ASAP2: variants seen among roughly 807,000 people sequenced by gnomAD.
The protein encoded by ASAP2 is ArfGAP with SH3 domain, ankyrin repeat and PH domain 2.
A neutral mutation model predicts 131.4 loss-of-function variants in ASAP2; 45 were observed. The observed-to-expected ratio is 0.34, with a 90% confidence interval of 0.27 to 0.44. The LOEUF (loss-of-function observed/expected upper bound fraction) is 0.44. ASAP2 is among the 20% of genes least tolerant of loss of function. The probability of loss-of-function intolerance (pLI) is 1.00; values close to 1 mark genes in which losing one functional copy is unlikely to be tolerated. For synonymous variants in ASAP2, 510 were observed against 503.0 expected (o/e 1.01, Z -0.19); for missense variants, 1,011 against 1,297.0 (o/e 0.78, Z 3.39).
In ASAP2 at chr2:9,268,555, A is replaced by G. The variant is rs1283215741; in HGVS notation, c.127-10762A>G. 6.6e-6 allele frequency among the ~76,000 whole-genome samples: 1 copy of G among 152,182 alleles called. No homozygotes were observed. Among genetic ancestry groups the G allele is most frequent in the Non-Finnish European group, 1.5e-5 (1 of 68,028 alleles). On this transcript the variant is annotated intron_variant, in intron 1 of 27. Transcript: ENST00000281419. This position sits in a 1 kb window ranked among gnomAD's most constrained non-coding sequence, Gnocchi z 4.1. ...TCACAGTGCAAGTCTACGCTTCCCAAAAGGCTTCTGGAAATATTTGACACT... is the reference window on the plus strand; with the variant it reads ...TCACAGTGCAAGTCTACGCTTCCCAGAAGGCTTCTGGAAATATTTGACACT...
intron 1 of ASAP2, among the ~76,000 whole-genome samples, chr2:9,249,727 C>T (rs1664576549): frequency 1.3e-5 from 2 of 150,956 alleles, no homozygotes; most frequent in South Asian, 2.1e-4. Context: ...GAGCTGCAGG[C>T]AGGCATGCCC....
At chr2:9,349,829 A>C (rs1389543522) in intron 11 of ASAP2, among the ~76,000 whole-genome samples, 1 of 152,210 alleles carries the variant, frequency 6.6e-6, no homozygotes, top group East Asian at 1.9e-4. Flanking sequence ...AGGGTTTCAC[A>C]GGTCTGTCCA....
chr2:9,340,676 C>G (rs951340427), intron 9 of ASAP2, among the ~76,000 whole-genome samples: 42 of 152,176 alleles, frequency 2.8e-4, no homozygotes, highest in African/African-American at 9.2e-4. Context: ...ACAAGCTTGT[C>G]AATCACAGGA....
chr2:9,365,745 A>G (rs572204266), intron 15 of ASAP2, among the ~76,000 whole-genome samples: 1 of 152,256 alleles, frequency 6.6e-6, no homozygotes, highest in African/African-American at 2.4e-5. Flanking sequence ...AGTGTTCAGG[A>G]TGAACTTCTT....
At chr2:9,213,129 G>C (rs1471092611) in intron 1 of ASAP2, among the ~76,000 whole-genome samples, 2 of 152,218 alleles carry the variant, frequency 1.3e-5, no homozygotes, top group Non-Finnish European at 2.9e-5. Context: ...ATAACATGGG[G>C]ATAGAAAGTG....
intron 3 of ASAP2, among the ~76,000 whole-genome samples, chr2:9,299,132 A>G (rs1371313750): frequency 2.0e-5 from 3 of 152,360 alleles, no homozygotes; most frequent in Middle Eastern, 3.4e-3. Context: ...CATCAATGCA[A>G]CAAATCTAAA....
intron 16 of ASAP2, among the ~76,000 whole-genome samples, chr2:9,369,266 G>A (rs369575097): frequency 7.2e-5 from 11 of 152,238 alleles, no homozygotes; most frequent in African/African-American, 2.6e-4. Flanking sequence ...TGATCCACTC[G>A]CTGCAGCCTC....
At chr2:9,286,447 A>AAAAAATATATATATAT (rs58605449) in intron 2 of ASAP2, among the ~76,000 whole-genome samples, 82 of 148,466 alleles carry the variant, frequency 5.5e-4, no homozygotes, top group South Asian at 1.9e-3. Flanking sequence ...GAAAAAAAAA[A>AAAAAATATATATATAT]ATATATATAT....
chr2:9,389,928 C>A lies in ASAP2; in HGVS notation c.2384-1134C>A, dbSNP rs2953361. ...GGCTTTCTCCCCGCCTCTCCCAGAT[C>A]CTGCAGGCAGGCATCAATTTTCTAC... On this transcript the variant is annotated intron_variant, in intron 22 of 27. Transcript: ENST00000281419. This position sits in a 1 kb window ranked among gnomAD's most constrained non-coding sequence, Gnocchi z 4.7. 1.4e-4 allele frequency among the ~76,000 whole-genome samples: 21 copies of A among 152,204 alleles called. No homozygotes were observed. Among genetic ancestry groups the A allele is most frequent in the African/African-American group, 5.1e-4 (21 of 41,448 alleles).
chr2:9,353,628 T>C lies in ASAP2; in HGVS notation c.1112-2419T>C, dbSNP rs574829622. ...ATGCATTGAGGCAGTGAGGGTGATA[T>C]TTTCTGTGTGCATCTGCCAGGCACT... is the stretch of plus-strand genomic sequence containing the variant. On this transcript the variant is annotated intron_variant, in intron 12 of 27. Transcript: ENST00000281419. Among the ~76,000 whole-genome samples, 381 of 152,148 alleles carry C rather than the reference T, an allele frequency of 2.5e-3. 1 individual carries two copies. Among genetic ancestry groups the C allele is most frequent in the African/African-American group, 8.7e-3 (363 of 41,514 alleles).
intron 9 of ASAP2, among the ~76,000 whole-genome samples, chr2:9,338,480 G>A (rs751557361): frequency 3.3e-5 from 5 of 152,094 alleles, no homozygotes; most frequent in African/African-American, 7.2e-5. Context: ...CTCTGGGTTC[G>A]CGTATCTTAC....
intron 1 of ASAP2, among the ~76,000 whole-genome samples, chr2:9,250,925 G>A (rs1664659328): frequency 6.6e-6 from 1 of 152,246 alleles, no homozygotes; most frequent in African/African-American, 2.4e-5. Context: ...TTAAAACAGT[G>A]AACTATGAAA....
intron 23 of ASAP2, 128 bp from the exon 24 acceptor site, chr2:9,393,354 G>A: frequency 1.2e-6 from 1 of 834,950 alleles, no homozygotes; most frequent in Middle Eastern, 3.2e-4. Context: ...CAAGGAAATA[G>A]CAGCAGGTTT....
chr2:9,401,382 G>T lies in ASAP2; in HGVS notation c.2932G>T (p.Asp978Tyr). ...TGTGATCATCGTGGACGGGGAGGAG[G>T]ACCAGGAGTGGTGGGTGAGTCAAGG... The part of the protein sequence containing the change: ...GDVIIVDGEE[D>Y]QEWWIGHIDG... Residue 978 changes from aspartate (D) to tyrosine (Y), a missense_variant, in exon 27 of 28, where the codon GAC becomes TAC. Asp to Tyr is a radical substitution (Grantham distance 160, BLOSUM62 -3). This residue lies in a region of ASAP2 where 652 missense variants were observed against 698.9 expected (regional missense o/e 0.93). Coordinates refer to ENST00000281419, the MANE Select transcript of ASAP2 (RefSeq NM_003887.3). 6.2e-7 allele frequency: 1 copy of T among 1,613,510 alleles called. No individual in the cohort carries two copies. The highest frequency in any genetic ancestry group is 8.5e-7 in the Non-Finnish European group (1 of 1,179,870).
At position 9,207,159 on chromosome 2, in the gene ASAP2, A is replaced by G; in HGVS notation, c.55A>G (p.Lys19Glu). 1 of 1,605,924 alleles carries G rather than the reference A, an allele frequency of 6.2e-7. No homozygotes were observed. The highest frequency in any genetic ancestry group is 8.5e-7 in the Non-Finnish European group (1 of 1,176,690). ...EFVAETHEDY[K>E]APTASSFTTR... ...CGTGGCCGAGACCCATGAGGACTAC[A>G]AGGCGCCCACGGCCTCCAGCTTCAC... Residue 19 changes from lysine (K) to glutamate (E), a missense_variant, in exon 1 of 28, where the codon AAG (lysine) becomes GAG (glutamate). Lys to Glu is a moderately conservative substitution (Grantham distance 56). Around this residue, in one of 2 missense-constraint regions of ASAP2, gnomAD observed 359 missense variants for 598.1 expected, o/e 0.60. Transcript: ENST00000281419. The surrounding 1 kb of genome is among the most constrained non-coding windows in gnomAD (Gnocchi z 4.1).
At chr2:9,301,367 G>A (rs146990789) in intron 3 of ASAP2, among the ~76,000 whole-genome samples, 3,332 of 152,272 alleles carry the variant, frequency 0.022, 61 homozygotes, top group Non-Finnish European at 0.036. Context: ...TTTTCTCTGC[G>A]GTGATGCAGG....
At chr2:9,333,070 C>T (rs928862626) in intron 7 of ASAP2, among the ~76,000 whole-genome samples, 1 of 152,182 alleles carries the variant, frequency 6.6e-6, no homozygotes, top group Non-Finnish European at 1.5e-5. Context: ...GTTTTCACGG[C>T]GCCTTCTGTG....
At chr2:9,322,849 C>T (rs999056029) in intron 5 of ASAP2, among the ~76,000 whole-genome samples, 4 of 152,168 alleles carry the variant, frequency 2.6e-5, no homozygotes, top group African/African-American at 9.7e-5. Context: ...CCAAAGGAGC[C>T]CTCCAAGCCC....
chr2:9,341,546 A>G (rs1057209303), intron 9 of ASAP2, among the ~76,000 whole-genome samples: 1 of 152,192 alleles, frequency 6.6e-6, no homozygotes, highest in African/African-American at 2.4e-5. Context: ...TATGCGCGGC[A>G]CGAACAGTGT....
Sources: allele counts gnomAD v4.1 joint callset (sites outside exome capture counted in the v4.1 genomes callset), GRCh38; gene constraint gnomAD v4.1.1; regional missense constraint gnomAD v4.1.1; non-coding constraint Gnocchi (gnomAD v3.1); transcripts MANE v1.5; gene names NCBI Gene and HGNC (gene_info 2026-07-23, HGNC 2026-07-21).